The following FBXL5 variants were observed in gnomAD, a reference collection of about 807,000 sequenced individuals.
The protein encoded by FBXL5 is F-box and leucine rich repeat protein 5, also known as F-box/LRR-repeat protein 5.
A neutral mutation model predicts 78.3 loss-of-function variants in FBXL5; 26 were observed. The observed-to-expected ratio is 0.33, with a 90% CI of 0.24 to 0.46. The LOEUF (loss-of-function observed/expected upper bound fraction) is 0.46, where lower values mean the gene tolerates loss of function less well. Ranked by LOEUF, FBXL5 falls within the 20% of genes least tolerant of loss-of-function variation. FBXL5 has a pLI of 1.00. For missense variants in FBXL5, 710 were observed against 829.2 expected (o/e 0.86, Z 1.77); for synonymous variants, 295 against 282.5 (o/e 1.04, Z -0.45).
intron 1 of FBXL5, among the ~76,000 whole-genome samples, chr4:15,675,572 A>ATTT (rs60660814): frequency 5.2e-5 from 5 of 96,702 alleles, no homozygotes; most frequent in Admixed American, 1.3e-4. Flanking sequence ...CAAAACTCCT[A>ATTT]TTTTTTTTTT....
At chr4:15,673,394 T>C (rs948090104) in intron 1 of FBXL5, among the ~76,000 whole-genome samples, 13 of 152,048 alleles carry the variant, frequency 8.5e-5, no homozygotes, top group East Asian at 7.7e-4. Context: ...TGAGCCAAGA[T>C]TGCACTACTC....
chr4:15,648,327 T>A (rs1377766482), intron 1 of FBXL5, among the ~76,000 whole-genome samples: 3 of 152,168 alleles, frequency 2.0e-5, no homozygotes. Flanking sequence ...GTATGGAAAT[T>A]CCTCAAAAAA....
upstream of FBXL5, chr4:15,655,445 G>T (rs6846508): frequency 2.1e-6 from 2 of 970,890 alleles, no homozygotes; most frequent in Admixed American, 1.2e-4. Flanking sequence ...GGGGCGCGCA[G>T]GCCGCCGCCA....
Position 15,625,356 on chromosome 4 carries a change from T to C in FBXL5, c.1746A>G (p.Lys582=). 4 of 1,614,202 alleles carry C rather than the reference T, an allele frequency of 2.5e-6. No homozygotes were observed. The highest frequency in any genetic ancestry group is 3.4e-6 in the Non-Finnish European group (4 of 1,180,028). ...TTTCACTCCCAAAGTAAATTAAGTC[T>C]TTTCCCCTAGGCAATCTAGTCCTTG... ...KAARTRLPRG[K]DLIYFGSEKS... The change falls in exon 9 of 11, where the codon AAA becomes AAG. Residue 582 remains lysine (K), a synonymous_variant. Transcript: ENST00000341285.
chr4:15,617,921 C>T (rs1424483170), intron 9 of FBXL5, among the ~76,000 whole-genome samples: 1 of 152,044 alleles, frequency 6.6e-6, no homozygotes, highest in South Asian at 2.1e-4. Context: ...ACACGTTTAC[C>T]TACGTAACAA....
chr4:15,679,985 C>T (rs942763018), intron 1 of FBXL5, among the ~76,000 whole-genome samples: 7 of 152,092 alleles, frequency 4.6e-5, no homozygotes, highest in African/African-American at 7.2e-5. Flanking sequence ...CTGGAAACAA[C>T]GCCAAGTGTC....
At chr4:15,626,365 G>A (rs927520491) in intron 8 of FBXL5, among the ~76,000 whole-genome samples, 9 of 152,178 alleles carry the variant, frequency 5.9e-5, no homozygotes, top group African/African-American at 1.9e-4. Context: ...GCTTTAGCCC[G>A]AGAAGAGTAT....
chr4:15,634,775 T>C (rs900570971), intron 5 of FBXL5, among the ~76,000 whole-genome samples: 2 of 152,202 alleles, frequency 1.3e-5, no homozygotes, highest in African/African-American at 4.8e-5. Flanking sequence ...ATTTGAGATT[T>C]AGGTGAATTT....
chr4:15,656,449 C>G, upstream of FBXL5: 1 of 367,862 alleles, frequency 2.7e-6, no homozygotes, highest in South Asian at 2.0e-5. Context: ...ACCAGATATG[C>G]TGTGTTCACC....
chr4:15,647,239 A>AG (rs1249003184), intron 1 of FBXL5, among the ~76,000 whole-genome samples: 5 of 133,524 alleles, frequency 3.7e-5, no homozygotes, highest in African/African-American at 1.4e-4. Flanking sequence ...AAAAAAAAAA[A>AG]AAAAGAAAGA....
chr4:15,611,346 G>T (rs1722250010), intron 10 of FBXL5, among the ~76,000 whole-genome samples: 1 of 151,984 alleles, frequency 6.6e-6, no homozygotes, highest in Admixed American at 6.6e-5. Context: ...CCTGTCAATT[G>T]TTCTGCCTGA....
At chr4:15,659,676 TCAGA>T (rs927397488), upstream of FBXL5, 7 of 959,094 alleles carry the variant, frequency 7.3e-6, no homozygotes, top group African/African-American at 3.5e-5. Context: ...TGCAAAATTT[TCAGA>T]CAGAGAAGAG....
intron 9 of FBXL5, 52 bp from the exon 10 acceptor site, chr4:15,612,466 T>C: frequency 6.7e-7 from 1 of 1,494,416 alleles, no homozygotes; most frequent in Non-Finnish European, 9.0e-7. Context: ...TAAAAATGTT[T>C]GTATTCCTAT....
upstream of FBXL5, among the ~76,000 whole-genome samples, chr4:15,664,070 A>G (rs573065799): frequency 6.6e-6 from 1 of 152,332 alleles, no homozygotes; most frequent in South Asian, 2.1e-4. Flanking sequence ...AGCAGAGCCA[A>G]GATTCAAACT....
intron 5 of FBXL5, among the ~76,000 whole-genome samples, chr4:15,635,870 G>A (rs933192870): frequency 2.6e-5 from 4 of 151,306 alleles, no homozygotes; most frequent in Non-Finnish European, 5.9e-5. Flanking sequence ...ATATGTTGAT[G>A]AAAAGAAAAT....
chr4:15,612,211 A>T (rs778536115), intron 10 of FBXL5, 55 bp downstream of exon 10: 1 of 1,363,636 alleles, frequency 7.3e-7, no homozygotes, highest in Non-Finnish European at 9.7e-7. Context: ...TAGAACTGCT[A>T]AAAAAAATTT....
At chr4:15,618,470 A>T (rs1028885729) in intron 9 of FBXL5, among the ~76,000 whole-genome samples, 1 of 152,276 alleles carries the variant, frequency 6.6e-6, no homozygotes, top group Non-Finnish European at 1.5e-5. Flanking sequence ...ACTTATAAGA[A>T]GATGAATCAA....
intron 9 of FBXL5, among the ~76,000 whole-genome samples, chr4:15,620,565 C>T (rs1469051309): frequency 6.6e-6 from 1 of 152,262 alleles, no homozygotes; most frequent in African/African-American, 2.4e-5. Context: ...AGTGTTGCCA[C>T]TTCTGTTTAA....
At chr4:15,642,808 T>C (rs1342425806) in intron 2 of FBXL5, among the ~76,000 whole-genome samples, 1 of 152,226 alleles carries the variant, frequency 6.6e-6, no homozygotes, top group Admixed American at 6.5e-5. Context: ...CCCATCTGGA[T>C]TACACAAGCA....
Sources: gnomAD v4.1 joint callset for allele counts (sites outside exome capture counted in the v4.1 genomes callset) on GRCh38, gnomAD v4.1.1 for gene constraint, MANE v1.5 for transcripts, NCBI Gene and HGNC (gene_info 2026-07-23, HGNC 2026-07-21) for gene names.